NCKAP5: variants seen among roughly 807,000 people sequenced by gnomAD.
The protein encoded by NCKAP5 is nck-associated protein 5.
In NCKAP5, 92 loss-of-function variants were observed where a neutral mutation model predicts 167.0. The observed-to-expected ratio is 0.55, with a 90% confidence interval of 0.47 to 0.66. The LOEUF is 0.66. Ranked by LOEUF, NCKAP5 falls within the 30% of genes least tolerant of loss-of-function variation. NCKAP5 has a pLI of 0.00. For missense variants in NCKAP5, 2,378 were observed against 2,315.0 expected (o/e 1.03, Z -0.56); for synonymous variants, 891 against 877.4 (o/e 1.02, Z -0.27).
At chr2:133,177,637 C>G (rs2084528776) in intron 5 of NCKAP5, among the ~76,000 whole-genome samples, 1 of 152,150 alleles carries the variant, frequency 6.6e-6, no homozygotes, top group Non-Finnish European at 1.5e-5. Flanking sequence ...GTCTCCACTC[C>G]TACACCAGAT....
intron 3 of NCKAP5, among the ~76,000 whole-genome samples, chr2:133,303,449 A>G (rs1230419119): frequency 6.6e-6 from 1 of 152,212 alleles, no homozygotes. Context: ...ATAGAAAAAG[A>G]AAATAGACAA....
chr2:132,848,993 G>T (rs1688880623), intron 11 of NCKAP5, among the ~76,000 whole-genome samples: 1 of 152,144 alleles, frequency 6.6e-6, no homozygotes, highest in African/African-American at 2.4e-5. Context: ...GAAACAATAT[G>T]AAATAGAAAG....
intron 4 of NCKAP5, among the ~76,000 whole-genome samples, chr2:133,260,427 C>G (rs1021188376): frequency 3.9e-5 from 6 of 152,304 alleles, no homozygotes; most frequent in Non-Finnish European, 7.3e-5. Flanking sequence ...ACAGATCAAT[C>G]AATGCCTTCT....
chr2:132,737,726 T>A (rs1482547197), intron 16 of NCKAP5, among the ~76,000 whole-genome samples: 1 of 152,154 alleles, frequency 6.6e-6, no homozygotes, highest in African/African-American at 2.4e-5. Context: ...AAACAAAGCA[T>A]GTGATAAGCC....
chr2:133,084,829 A>T (rs542653283), intron 6 of NCKAP5, among the ~76,000 whole-genome samples: 1 of 152,116 alleles, frequency 6.6e-6, no homozygotes, highest in East Asian at 1.9e-4. Flanking sequence ...TCCCCTCAAA[A>T]ATTTCAAATC....
chr2:133,552,747 A>G (rs1214098689), intron 2 of NCKAP5, among the ~76,000 whole-genome samples: 1 of 80,184 alleles, frequency 1.2e-5, no homozygotes, highest in Admixed American at 1.2e-4. Context: ...AAGTATAATA[A>G]AAAAAAAAGA....
intron 4 of NCKAP5, among the ~76,000 whole-genome samples, chr2:133,253,665 A>G (rs2088468588): frequency 6.6e-6 from 1 of 152,208 alleles, no homozygotes; most frequent in South Asian, 2.1e-4. Flanking sequence ...GCTAGGTGAC[A>G]TTTTAAAGAT....
intron 6 of NCKAP5, among the ~76,000 whole-genome samples, chr2:133,006,744 A>T (rs572044310): frequency 1.2e-4 from 19 of 152,222 alleles, no homozygotes; most frequent in Admixed American, 1.1e-3. Flanking sequence ...TCTGTTGCTA[A>T]TTTTTTTGAT....
chr2:133,205,467 T>C (rs1321760862), intron 5 of NCKAP5, among the ~76,000 whole-genome samples: 1 of 152,204 alleles, frequency 6.6e-6, no homozygotes, highest in Non-Finnish European at 1.5e-5. Context: ...GGTTTTTCAT[T>C]CTGTTCTCTA....
intron 4 of NCKAP5, among the ~76,000 whole-genome samples, chr2:133,263,901 G>A (rs935752889): frequency 4.6e-5 from 7 of 152,018 alleles, no homozygotes; most frequent in Admixed American, 2.0e-4. Context: ...AGAAACTTGC[G>A]GATATCTCAA....
intron 3 of NCKAP5, among the ~76,000 whole-genome samples, chr2:133,506,357 T>C (rs1683002962): frequency 1.3e-5 from 2 of 152,346 alleles, no homozygotes; most frequent in Admixed American, 6.5e-5. Flanking sequence ...TGGCAGAGTA[T>C]ATTATTTTAT....
intron 3 of NCKAP5, among the ~76,000 whole-genome samples, chr2:133,379,047 C>T (rs1686343939): frequency 6.6e-6 from 1 of 152,220 alleles, no homozygotes; most frequent in Non-Finnish European, 1.5e-5. Flanking sequence ...TGCTATTAAG[C>T]ACTGCCTCGT....
At chr2:133,380,083 G>T (rs2150945087) in intron 3 of NCKAP5, among the ~76,000 whole-genome samples, 1 of 152,226 alleles carries the variant, frequency 6.6e-6, no homozygotes, top group East Asian at 1.9e-4. Context: ...TCTCCTTTTA[G>T]AAAGAAATAA....
chr2:133,416,461 A>G (rs10180047), intron 3 of NCKAP5, among the ~76,000 whole-genome samples: 37,556 of 152,044 alleles, frequency 0.25, 5,259 homozygotes, highest in African/African-American at 0.39. Context: ...TGAGAACCTG[A>G]CAGCCATAAA....
chr2:132,806,610 T>C (rs1435135925), intron 11 of NCKAP5, among the ~76,000 whole-genome samples: 1 of 152,208 alleles, frequency 6.6e-6, no homozygotes, highest in Non-Finnish European at 1.5e-5. Flanking sequence ...CACTTTTTGA[T>C]GGGATTGTTT....
chr2:133,473,331 CA>C (rs11393887), intron 3 of NCKAP5, among the ~76,000 whole-genome samples: 240 of 142,138 alleles, frequency 1.7e-3, no homozygotes, highest in South Asian at 4.2e-3. Flanking sequence ...GACTCCGTCT[CA>C]AAAAAAAAAA....
chr2:132,677,643 C>T (rs1684664114), intron 19 of NCKAP5, among the ~76,000 whole-genome samples: 1 of 152,072 alleles, frequency 6.6e-6, no homozygotes, highest in African/African-American at 2.4e-5. Context: ...CTGTGCAACA[C>T]TGTGTAGTCT....
At chr2:132,683,515 T>A (rs1386818344) in intron 19 of NCKAP5, among the ~76,000 whole-genome samples, 1 of 152,166 alleles carries the variant, frequency 6.6e-6, no homozygotes, top group African/African-American at 2.4e-5. Flanking sequence ...TGGTCAGCAG[T>A]TGGGTGAGGC....
At chr2:132,785,847 T>A in intron 13 of NCKAP5, 129 bp from the exon 14 acceptor site, 1 of 621,706 alleles carries the variant, frequency 1.6e-6, no homozygotes, top group Non-Finnish European at 2.4e-6. Flanking sequence ...ATGCCTACAT[T>A]AATTAGCTAA....
Sources: gnomAD v4.1 joint callset for allele counts (sites outside exome capture counted in the v4.1 genomes callset) on GRCh38, gnomAD v4.1.1 for gene constraint, MANE v1.5 for transcripts, NCBI Gene and HGNC (gene_info 2026-07-23, HGNC 2026-07-21) for gene names.